VWDE: variants seen among roughly 807,000 people sequenced by gnomAD.
VWDE encodes von Willebrand factor D and EGF domains, also known as von Willebrand factor D and EGF domain-containing protein.
VWDE carries 207 observed loss-of-function variants against 178.4 expected under a neutral mutation model. The observed-to-expected ratio is 1.16, with a 90% confidence interval of 1.04 to 1.30. VWDE has a LOEUF of 1.30. VWDE is among the 50% of genes most tolerant of loss of function. The pLI is 0.00. For missense variants in VWDE, 2,287 were observed against 1,901.3 expected (o/e 1.20, Z -3.77); for synonymous variants, 738 against 651.4 (o/e 1.13, Z -2.02).
intron 3 of VWDE, among the ~76,000 whole-genome samples, chr7:12,385,151 T>C (rs866152731): frequency 6.7e-6 from 1 of 149,622 alleles, no homozygotes; most frequent in South Asian, 2.1e-4. Flanking sequence ...TAGGGATATA[T>C]AGATTGTGTA....
intron 26 of VWDE, 112 bp from the exon 27 acceptor site, chr7:12,336,348 A>C: frequency 1.2e-6 from 1 of 834,032 alleles, no homozygotes; most frequent in East Asian, 2.8e-5. Flanking sequence ...CAAGTAAGTG[A>C]TTAAAGAAAT....
At chr7:12,350,492 T>G (rs1244295566) in intron 19 of VWDE, among the ~76,000 whole-genome samples, 3 of 152,018 alleles carry the variant, frequency 2.0e-5, no homozygotes, top group Non-Finnish European at 4.4e-5. Flanking sequence ...AAAAGGAAAA[T>G]TCATCAATTG....
At chr7:12,341,486 G>A (rs1350110079) in intron 23 of VWDE, among the ~76,000 whole-genome samples, 1 of 152,004 alleles carries the variant, frequency 6.6e-6, no homozygotes, top group African/African-American at 2.4e-5. Flanking sequence ...ACAAAAATTA[G>A]CTAGGCATGG....
chr7:12,339,559 A>G (rs886505093), intron 24 of VWDE, among the ~76,000 whole-genome samples: 10 of 152,134 alleles, frequency 6.6e-5, no homozygotes, highest in African/African-American at 2.2e-4. Context: ...CATCCTAAGA[A>G]TCCTAGCCAA....
intron 1 of VWDE, among the ~76,000 whole-genome samples, chr7:12,399,737 C>T (rs1234250905): frequency 2.0e-5 from 3 of 152,056 alleles, no homozygotes; most frequent in African/African-American, 7.2e-5. Flanking sequence ...AACCCAGCTA[C>T]TAGGGAGGTT....
intron 1 of VWDE, among the ~76,000 whole-genome samples, chr7:12,398,417 C>T (rs1784725956): frequency 6.6e-6 from 1 of 152,152 alleles, no homozygotes. Flanking sequence ...AACCCCTACC[C>T]ATCATGATTG....
intron 24 of VWDE, among the ~76,000 whole-genome samples, chr7:12,338,601 A>G (rs1583272604): frequency 6.6e-6 from 1 of 152,122 alleles, no homozygotes; most frequent in African/African-American, 2.4e-5. Flanking sequence ...AGGGCATACA[A>G]TTTAAGGGTG....
At chr7:12,343,528 TTC>T (rs1781440350) in intron 21 of VWDE, among the ~76,000 whole-genome samples, 2 of 152,322 alleles carry the variant, frequency 1.3e-5, no homozygotes, top group South Asian at 2.1e-4. Context: ...TATTGAATGT[TTC>T]TATTAGTTCA....
At chr7:12,375,273 T>A (rs1219837516) in intron 7 of VWDE, 46 bp from the exon 8 acceptor site, 2 of 1,280,896 alleles carry the variant, frequency 1.6e-6, no homozygotes, top group Admixed American at 2.2e-5. Context: ...GAGAATATAC[T>A]AACCAAAGCA....
In VWDE at chr7:12,369,616, T is replaced by C. The variant is rs1466654468; in HGVS notation, c.2690A>G (p.Asn897Ser). Residue 897 changes from asparagine to serine, a missense_variant, in exon 12 of 29, where the codon AAT becomes AGT. Physicochemically the swap from Asn to Ser is conservative, Grantham distance 46. Coordinates refer to ENST00000275358, the MANE Select transcript of VWDE (RefSeq NM_001135924.3). ...VLKCPNLCSG[N>S]GQCMEWGCAC... ...ACACCCCCATTCCATGCACTGCCCA[T>C]TGCCGCTGCATAAATTGGGGCATTT... The C allele has an allele frequency of 1.9e-6, 3 of 1,551,386 alleles. No homozygotes were observed. Among genetic ancestry groups the C allele is most frequent in the Admixed American group, 2.0e-5 (1 of 50,948 alleles).
rs957317777 is a variant in VWDE at position 12,369,788 on chromosome 7, T to C, written c.2518A>G (p.Lys840Glu). 9 of 1,551,422 alleles carry C rather than the reference T, an allele frequency of 5.8e-6. No homozygotes were observed. In the African/African-American group the frequency reaches 8.2e-5, roughly 14 times the overall value. Residue 840 changes from lysine to glutamate, a missense_variant, in exon 12 of 29, where the codon AAG becomes GAG. Physicochemically the swap from Lys to Glu is moderately conservative, Grantham distance 56. Transcript: ENST00000275358. The part of the protein sequence containing the change: ...RLDSVIEMCV[K>E]DVLLKDDLSW... Reference sequence around the variant, plus strand: ...AGATCATCTTTTAACAGAACATCCTTCACACACATCTCTATAACACTGTCT... The same window carrying C: ...AGATCATCTTTTAACAGAACATCCTCCACACACATCTCTATAACACTGTCT...
chr7:12,336,066 C>T (rs1430007791), intron 27 of VWDE, 75 bp downstream of exon 27: 7 of 1,327,732 alleles, frequency 5.3e-6, no homozygotes, highest in Admixed American at 2.4e-5. Context: ...TGGACTTGTC[C>T]TAAAGCTATA....
chr7:12,375,259 C>G (rs1783460642), intron 7 of VWDE, 32 bp from the exon 8 acceptor site: 3 of 1,484,458 alleles, frequency 2.0e-6, no homozygotes, highest in Non-Finnish European at 2.8e-6. Context: ...TTAAAAATTT[C>G]CAAGAGAATA....
intron 9 of VWDE, among the ~76,000 whole-genome samples, chr7:12,373,929 C>A (rs1783360030): frequency 6.6e-6 from 1 of 152,104 alleles, no homozygotes; most frequent in Admixed American, 6.6e-5. Context: ...TTCTTAACAC[C>A]TGTTGACACC....
intron 28 of VWDE, among the ~76,000 whole-genome samples, chr7:12,332,134 G>C (rs1376624075): frequency 6.6e-6 from 1 of 151,516 alleles, no homozygotes; most frequent in South Asian, 2.1e-4. Flanking sequence ...CCACTAAAGA[G>C]AAATTTATGT....
Position 12,379,457 on chromosome 7 carries a change from G to T in VWDE, c.879+20C>A, listed in dbSNP as rs1248569655. 20 of 1,503,282 alleles carry T rather than the reference G, an allele frequency of 1.3e-5. No homozygotes were observed. Among genetic ancestry groups the T allele is most frequent in the Non-Finnish European group, 1.7e-5 (19 of 1,107,356 alleles). 93.1% of individuals were successfully genotyped at this position (1,503,282 alleles called of 1,614,324 possible). On this transcript the variant is annotated intron_variant, in intron 6 of 28. Transcript: ENST00000275358. ...GTTCCAGAGGAATAATCTTTCTGAT[G>T]CATCCCCACTGCTGCGTACCTTAAA...
intron 2 of VWDE, among the ~76,000 whole-genome samples, chr7:12,389,680 TAAGAC>T (rs1347121094): frequency 6.6e-6 from 1 of 152,170 alleles, no homozygotes; most frequent in African/African-American, 2.4e-5. Flanking sequence ...CATTCTAAAA[TAAGAC>T]AAGTCAATCT....
intron 26 of VWDE, 121 bp from the exon 27 acceptor site, chr7:12,336,357 A>G (rs1781029954): frequency 2.6e-6 from 2 of 767,654 alleles, no homozygotes; most frequent in Non-Finnish European, 4.1e-6. Context: ...GATTAAAGAA[A>G]TTTTTCCCTA....
chr7:12,393,579 A>G lies in VWDE; in HGVS notation c.243+15T>C, dbSNP rs1326723469. On this transcript the variant is annotated intron_variant, in intron 2 of 28. Transcript: ENST00000275358. ...ATAAGGAAAATAACATGCAGTACTT[A>G]GGGAGTTGACATACCTCAACACATT... The G allele has an allele frequency of 5.9e-6, 9 of 1,528,860 alleles. 1 individual carries two copies. Among genetic ancestry groups the G allele is most frequent in the African/African-American group, 2.8e-5 (2 of 72,050 alleles). 94.7% of individuals were successfully genotyped at this position (1,528,860 alleles called of 1,614,324 possible).
Sources: allele counts gnomAD v4.1 joint callset (sites outside exome capture counted in the v4.1 genomes callset), GRCh38; gene constraint gnomAD v4.1.1; transcripts MANE v1.5; gene names NCBI Gene and HGNC (gene_info 2026-07-23, HGNC 2026-07-21).